CREB3L2: variants seen among roughly 807,000 people sequenced by gnomAD.
CREB3L2 encodes the protein cAMP responsive element binding protein 3 like 2.
Under a neutral mutation model 57.2 loss-of-function variants are expected in CREB3L2, and 23 were observed. The observed-to-expected ratio is 0.40, with a 90% CI of 0.29 to 0.57. The LOEUF (loss-of-function observed/expected upper bound fraction) is 0.57. Ranked by LOEUF, CREB3L2 falls within the 20% of genes least tolerant of loss-of-function variation. The pLI is 0.42. For synonymous variants in CREB3L2, 268 were observed against 265.1 expected, an observed-to-expected ratio of 1.01 and a Z score of -0.11; for missense variants, 628 against 634.7, an observed-to-expected ratio of 0.99 and a Z score of 0.11.
In CREB3L2 at chr7:137,879,480, G is replaced by A. The variant is rs1168041671; in HGVS notation, c.*996C>T. 2 of 361,376 alleles carry A rather than the reference G, an allele frequency of 5.5e-6. No individual in the cohort carries two copies. The highest frequency in any genetic ancestry group is 3.1e-5 in the South Asian group (1 of 32,434). The allele number at this position is 361,376 out of a possible 1,614,324, so 22.4% of individuals were successfully genotyped here. On this transcript the variant is annotated 3_prime_UTR_variant, in exon 12 of 12. Transcript: ENST00000330387. ...GCCAGGGAGCCCGGGGCCTGAGTGA[G>A]GCATTGTGTCATCTCTCGCTCTGAG...
At chr7:137,978,640 G>A (rs183239690) in intron 1 of CREB3L2, among the ~76,000 whole-genome samples, 108 of 152,304 alleles carry the variant, frequency 7.1e-4, no homozygotes, top group African/African-American at 2.5e-3. Context: ...CACTGGTCAG[G>A]CAGTGACACA....
At chr7:137,887,198 C>T (rs535096756) in intron 8 of CREB3L2, among the ~76,000 whole-genome samples, 3 of 152,284 alleles carry the variant, frequency 2.0e-5, no homozygotes, top group African/African-American at 7.2e-5. Context: ...CAGTCTACCC[C>T]CGAATAGCAT....
chr7:137,957,177 C>A (rs1271477769), intron 1 of CREB3L2, among the ~76,000 whole-genome samples: 1 of 152,134 alleles, frequency 6.6e-6, no homozygotes, highest in East Asian at 1.9e-4. Flanking sequence ...GCCTGGAATT[C>A]CACTTCCCTC....
chr7:137,902,669 C>T (rs569915864), intron 7 of CREB3L2, among the ~76,000 whole-genome samples: 16 of 152,280 alleles, frequency 1.1e-4, no homozygotes, highest in Non-Finnish European at 1.3e-4. Flanking sequence ...TTGTATATAA[C>T]CTTTACATAT....
In CREB3L2 at chr7:137,885,588, G is replaced by A. The variant is rs377711131; in HGVS notation, c.1044-86C>T. On this transcript the variant is annotated intron_variant, in intron 8 of 11. Coordinates refer to ENST00000330387, the MANE Select transcript of CREB3L2 (RefSeq NM_194071.4). ...CTCCATGTGACCCAAGAAGGCCGCC[G>A]TGCCTTTGTGCCTGCATTTCAACAG... 65 of 981,652 alleles carry A rather than the reference G, an allele frequency of 6.6e-5. No individual in the cohort carries two copies. The East Asian group carries it at 1.3e-3, about 19-fold the overall frequency. 60.8% of individuals were successfully genotyped at this position (981,652 alleles called of 1,614,324 possible). A position where few individuals can be genotyped will look rare whatever the true frequency, so the allele number is the denominator to read the frequency against.
chr7:137,919,582 C>A (rs922114621), intron 2 of CREB3L2, among the ~76,000 whole-genome samples: 2 of 152,158 alleles, frequency 1.3e-5, no homozygotes, highest in Non-Finnish European at 2.9e-5. Context: ...AACAAGAAAA[C>A]TTTCTATGTG....
intron 2 of CREB3L2, among the ~76,000 whole-genome samples, chr7:137,921,660 T>C (rs1800279275): frequency 6.6e-6 from 1 of 152,190 alleles, no homozygotes; most frequent in African/African-American, 2.4e-5. Context: ...TATCTTGATA[T>C]ATTATGAAAG....
At chr7:137,923,512 CCT>C (rs1471454976) in intron 2 of CREB3L2, among the ~76,000 whole-genome samples, 3 of 152,238 alleles carry the variant, frequency 2.0e-5, no homozygotes, top group African/African-American at 4.8e-5. Context: ...CTCTTCTACC[CCT>C]GAGTCTGGCT....
chr7:137,922,453 T>TATATATATACAC (rs1554498063), intron 2 of CREB3L2: 4 of 72,580 alleles, frequency 5.5e-5, no homozygotes, highest in African/African-American at 2.5e-4. Flanking sequence ...TATATATATA[T>TATATATATACAC]ACACACATAT....
chr7:137,915,780 A>C lies in CREB3L2; in HGVS notation c.495+57T>G, dbSNP rs916593695. ...AGATTAAACACCTTATTGGAGAATG[A>C]GGATCTATCTGTATCTTTTAATCCA... On this transcript the variant is annotated intron_variant, in intron 3 of 11. Coordinates refer to ENST00000330387, the MANE Select transcript of CREB3L2 (RefSeq NM_194071.4). 8.5e-5 allele frequency: 124 copies of C among 1,465,334 alleles called. 1 individual carries two copies. Among genetic ancestry groups the C allele is most frequent in the African/African-American group, 6.8e-4 (48 of 70,962 alleles). The allele number at this position is 1,465,334 out of a possible 1,614,324, so 90.8% of individuals were successfully genotyped here. A position where few individuals can be genotyped will look rare whatever the true frequency, so the allele number is the denominator to read the frequency against.
intron 8 of CREB3L2, among the ~76,000 whole-genome samples, chr7:137,888,925 C>G (rs1274649413): frequency 6.6e-6 from 1 of 151,988 alleles, no homozygotes; most frequent in African/African-American, 2.4e-5. Flanking sequence ...AGTACCTTTC[C>G]AGATGGTACC....
At position 137,885,584 on chromosome 7, in the gene CREB3L2, C is replaced by T. The variant is rs374283209; in HGVS notation, c.1044-82G>A. 2.2e-5 allele frequency: 24 copies of T among 1,112,790 alleles called. No individual in the cohort carries two copies. The East Asian group carries it at 3.1e-4, about 14-fold the overall frequency. The allele number at this position is 1,112,790 out of a possible 1,614,324, so 68.9% of individuals were successfully genotyped here. A position where few individuals can be genotyped will look rare whatever the true frequency, so the allele number is the denominator to read the frequency against. ...ATCTCTCCATGTGACCCAAGAAGGCCGCCGTGCCTTTGTGCCTGCATTTCA... is the reference window on the plus strand; with the variant it reads ...ATCTCTCCATGTGACCCAAGAAGGCTGCCGTGCCTTTGTGCCTGCATTTCA... On this transcript the variant is annotated intron_variant, in intron 8 of 11. Coordinates refer to ENST00000330387, the MANE Select transcript of CREB3L2 (RefSeq NM_194071.4).
At chr7:137,988,025 C>G (rs1473359991) in intron 1 of CREB3L2, among the ~76,000 whole-genome samples, 1 of 152,232 alleles carries the variant, frequency 6.6e-6, no homozygotes, top group Non-Finnish European at 1.5e-5. Context: ...TTCAAAGAGC[C>G]TGCTCTGCTC....
chr7:137,988,285 A>G (rs942980620), intron 1 of CREB3L2, among the ~76,000 whole-genome samples: 2 of 152,280 alleles, frequency 1.3e-5, no homozygotes, highest in East Asian at 3.8e-4. Context: ...ACAAGAGGGG[A>G]GCAGGGATGT....
chr7:137,955,464 T>C (rs982811150), intron 1 of CREB3L2: 3 of 410,876 alleles, frequency 7.3e-6, no homozygotes, highest in African/African-American at 2.0e-5. Flanking sequence ...GAAATACTCA[T>C]GGAGTCTAGA....
intron 4 of CREB3L2, among the ~76,000 whole-genome samples, chr7:137,910,465 G>C (rs557182114): frequency 2.0e-4 from 30 of 152,208 alleles, no homozygotes; most frequent in Admixed American, 6.5e-4. Flanking sequence ...CCCAGGAAGG[G>C]AAAATATGCA....
intron 1 of CREB3L2, among the ~76,000 whole-genome samples, chr7:137,991,965 A>G (rs1174624616): frequency 6.6e-6 from 1 of 152,158 alleles, no homozygotes; most frequent in East Asian, 1.9e-4. Context: ...AACTACTGTT[A>G]ATAATTCTAA....
intron 1 of CREB3L2, among the ~76,000 whole-genome samples, chr7:137,971,448 T>TAA (rs1801505205): frequency 1.1e-5 from 1 of 93,352 alleles, no homozygotes. Flanking sequence ...AGACTCCGTC[T>TAA]CAAAAAAAAA....
intron 2 of CREB3L2, among the ~76,000 whole-genome samples, chr7:137,920,144 A>C (rs1252332771): frequency 1.3e-5 from 2 of 152,100 alleles, no homozygotes; most frequent in African/African-American, 4.8e-5. Flanking sequence ...TCCTCCCTCC[A>C]TCCATGTCTT....
Sources: gnomAD v4.1 joint callset for allele counts (sites outside exome capture counted in the v4.1 genomes callset) on GRCh38, gnomAD v4.1.1 for gene constraint, MANE v1.5 for transcripts, NCBI Gene and HGNC (gene_info 2026-07-23, HGNC 2026-07-21) for gene names.